Variants in XKR4 observed in about 807,000 individuals in gnomAD.
The protein encoded by XKR4 is XK related 4.
Under a neutral mutation model 53.9 loss-of-function variants are expected in XKR4, and 12 were observed. The observed-to-expected ratio is 0.22, with a 90% CI of 0.14 to 0.36. The LOEUF (loss-of-function observed/expected upper bound fraction) is 0.36. XKR4 is among the 10% of genes least tolerant of loss of function. The pLI is 1.00. For missense variants in XKR4, 799 were observed against 859.5 expected (o/e 0.93, Z 0.88); for synonymous variants, 354 against 362.4 (o/e 0.98, Z 0.26).
intron 1 of XKR4, among the ~76,000 whole-genome samples, chr8:55,218,082 A>G (rs1312338886): frequency 2.0e-5 from 3 of 152,238 alleles, no homozygotes; most frequent in South Asian, 2.1e-4. Flanking sequence ...GTGGGCCAGC[A>G]TTCAACAAAT....
At chr8:55,474,499 A>G (rs1805945268) in intron 2 of XKR4, among the ~76,000 whole-genome samples, 2 of 152,088 alleles carry the variant, frequency 1.3e-5, no homozygotes, top group South Asian at 4.1e-4. Context: ...TTCTAGAAAA[A>G]TCTGTTTCTG....
At chr8:55,402,103 C>G (rs1394034917) in intron 2 of XKR4, among the ~76,000 whole-genome samples, 1 of 152,120 alleles carries the variant, frequency 6.6e-6, no homozygotes. Flanking sequence ...TAGGTAGCCT[C>G]TAGAAAACTC....
intron 1 of XKR4, among the ~76,000 whole-genome samples, chr8:55,355,149 C>T (rs1034990861): frequency 1.3e-5 from 2 of 151,674 alleles, no homozygotes; most frequent in African/African-American, 2.4e-5. Context: ...GGTGGTCCGC[C>T]CACCTCAGCC....
chr8:55,106,595 A>G (rs1816153538), intron 1 of XKR4, among the ~76,000 whole-genome samples: 1 of 152,170 alleles, frequency 6.6e-6, no homozygotes, highest in African/African-American at 2.4e-5. Flanking sequence ...CTAAGAGAAC[A>G]GTTTTTAGTC....
chr8:55,301,593 C>A (rs1414389446), intron 1 of XKR4, among the ~76,000 whole-genome samples: 1 of 152,186 alleles, frequency 6.6e-6, no homozygotes, highest in African/African-American at 2.4e-5. Context: ...AATGGTGGAA[C>A]TAGTTTACAG....
At chr8:55,317,350 C>T (rs1813127779) in intron 1 of XKR4, among the ~76,000 whole-genome samples, 1 of 152,122 alleles carries the variant, frequency 6.6e-6, no homozygotes, top group South Asian at 2.1e-4. Context: ...AAGCCCCTCC[C>T]CCCATTGGTT....
intron 1 of XKR4, among the ~76,000 whole-genome samples, chr8:55,270,113 G>A (rs763674253): frequency 4.6e-5 from 7 of 152,186 alleles, no homozygotes; most frequent in Non-Finnish European, 8.8e-5. Context: ...AACCCTTCTT[G>A]TGGGGTGTGT....
At chr8:55,107,852 A>G (rs1053776180) in intron 1 of XKR4, among the ~76,000 whole-genome samples, 1 of 152,178 alleles carries the variant, frequency 6.6e-6, no homozygotes, top group Non-Finnish European at 1.5e-5. Context: ...TTCTGCATAT[A>G]TGTGTTTCCT....
intron 1 of XKR4, among the ~76,000 whole-genome samples, chr8:55,132,913 C>T (rs993213937): frequency 2.6e-5 from 4 of 152,108 alleles, no homozygotes; most frequent in African/African-American, 7.2e-5. Flanking sequence ...GGCCATTCTC[C>T]GATTTGTGAG....
At chr8:55,472,009 A>C (rs1327431022) in intron 2 of XKR4, among the ~76,000 whole-genome samples, 1 of 152,200 alleles carries the variant, frequency 6.6e-6, no homozygotes, top group Non-Finnish European at 1.5e-5. Flanking sequence ...ACAGTGGTGC[A>C]TACAGGAGAA....
At chr8:55,289,846 A>G (rs1245689360) in intron 1 of XKR4, among the ~76,000 whole-genome samples, 2 of 96,200 alleles carry the variant, frequency 2.1e-5, no homozygotes, top group Non-Finnish European at 4.8e-5. Context: ...AAGAGAAAGA[A>G]AGAAGGAAAG....
At chr8:55,506,428 A>T (rs904142159) in intron 2 of XKR4, among the ~76,000 whole-genome samples, 22 of 152,210 alleles carry the variant, frequency 1.4e-4, no homozygotes, top group Admixed American at 1.2e-3. Flanking sequence ...CAGTGCCTTG[A>T]TCAGTCACTA....
chr8:55,235,377 T>C (rs1818105118), intron 1 of XKR4, among the ~76,000 whole-genome samples: 1 of 152,194 alleles, frequency 6.6e-6, no homozygotes, highest in African/African-American at 2.4e-5. Flanking sequence ...AGGATCATGA[T>C]TCAAACCACT....
At chr8:55,450,564 C>T (rs2129396164) in intron 2 of XKR4, 1 of 714,898 alleles carries the variant, frequency 1.4e-6, no homozygotes, top group South Asian at 1.4e-5. Flanking sequence ...TGGTGGTAGC[C>T]GAGGAACTTG....
At chr8:55,405,521 C>G (rs1188511036) in intron 2 of XKR4, among the ~76,000 whole-genome samples, 1 of 152,202 alleles carries the variant, frequency 6.6e-6, no homozygotes, top group Non-Finnish European at 1.5e-5. Flanking sequence ...TGCAGAGAAA[C>G]AGCTTAAGAG....
chr8:55,383,901 T>C (rs1271970800), intron 2 of XKR4, among the ~76,000 whole-genome samples: 1 of 152,170 alleles, frequency 6.6e-6, no homozygotes, highest in African/African-American at 2.4e-5. Flanking sequence ...TATGTACCCT[T>C]CTACACAATA....
intron 1 of XKR4, among the ~76,000 whole-genome samples, chr8:55,108,567 A>G (rs1816187077): frequency 6.6e-6 from 1 of 152,156 alleles, no homozygotes; most frequent in Admixed American, 6.5e-5. Flanking sequence ...TTTTCAGAAA[A>G]ACAAGTTGGT....
intron 1 of XKR4, among the ~76,000 whole-genome samples, chr8:55,148,986 C>G (rs1585905252): frequency 6.6e-6 from 1 of 152,202 alleles, no homozygotes; most frequent in Non-Finnish European, 1.5e-5. Context: ...CCAAGTGCAC[C>G]CATGTCTTAA....
At chr8:55,500,091 G>A (rs558107874) in intron 2 of XKR4, among the ~76,000 whole-genome samples, 4 of 149,472 alleles carry the variant, frequency 2.7e-5, no homozygotes, top group South Asian at 4.2e-4. Context: ...AGGTGTCCTC[G>A]AAATGCTCTG....
Sources: gnomAD v4.1 joint callset for allele counts (sites outside exome capture counted in the v4.1 genomes callset) on GRCh38, gnomAD v4.1.1 for gene constraint, MANE v1.5 for transcripts, NCBI Gene and HGNC (gene_info 2026-07-23, HGNC 2026-07-21) for gene names.